ZNF507: variants seen among roughly 807,000 people sequenced by gnomAD.
ZNF507 encodes zinc finger protein 507.
Under a neutral mutation model 80.0 loss-of-function variants are expected in ZNF507, and 29 were observed. The observed-to-expected ratio is 0.36, with a 90% CI of 0.27 to 0.49. ZNF507 has a LOEUF of 0.49. Ranked by LOEUF, ZNF507 falls within the 20% of genes least tolerant of loss-of-function variation. The pLI is 0.98. For synonymous variants in ZNF507, 462 were observed against 422.5 expected, an observed-to-expected ratio of 1.09 and a Z score of -1.15; for missense variants, 1,081 against 1,152.2, an observed-to-expected ratio of 0.94 and a Z score of 0.90.
intron 2 of ZNF507, among the ~76,000 whole-genome samples, chr19:32,350,278 GT>G: frequency 6.6e-6 from 1 of 150,560 alleles, no homozygotes; most frequent in South Asian, 2.1e-4. Context: ...ACCCAAACTG[GT>G]TTTTCAGGTG....
At chr19:32,364,305 T>A (rs1967367492) in intron 5 of ZNF507, among the ~76,000 whole-genome samples, 1 of 152,234 alleles carries the variant, frequency 6.6e-6, no homozygotes, top group South Asian at 2.1e-4. Flanking sequence ...CCAATTATAG[T>A]TATACCTGAC....
intron 5 of ZNF507, chr19:32,380,592 G>C (rs528239794): frequency 2.2e-5 from 34 of 1,535,172 alleles, no homozygotes; most frequent in Non-Finnish European, 3.0e-5. Flanking sequence ...TGCTGACTGT[G>C]TCTCTTATTG....
Position 32,354,195 on chromosome 19 carries a change from C to G in ZNF507, c.1365C>G (p.Ile455Met), listed in dbSNP as rs896023652. ...DKCTVDIGGL[I>M]IGWSSSEKKD... The stretch of plus-strand genomic sequence containing the variant: ...GTACTGTTGATATTGGGGGATTGAT[C>G]ATAGGCTGGAGCAGTTCAGAGAAAA... The change falls in exon 3 of 7, where the codon ATC becomes ATG. Residue 455 changes from isoleucine to methionine, a missense_variant. This residue lies in a region of ZNF507 where 614 missense variants were observed against 583.9 expected (regional missense o/e 1.05). Coordinates refer to ENST00000355898, the MANE Select transcript of ZNF507 (RefSeq NM_001136156.2). The G allele has an allele frequency of 6.2e-6, 10 of 1,613,434 alleles. No homozygotes were observed. Among genetic ancestry groups the G allele is most frequent in the African/African-American group, 1.3e-5 (1 of 74,900 alleles).
At chr19:32,368,857 C>G (rs1302454855) in intron 5 of ZNF507, among the ~76,000 whole-genome samples, 1 of 152,144 alleles carries the variant, frequency 6.6e-6, no homozygotes, top group African/African-American at 2.4e-5. Flanking sequence ...CTATTGAAAT[C>G]GTTGTTTATG....
At position 32,354,464 on chromosome 19, in the gene ZNF507, C is replaced by G. The variant is rs146402867; in HGVS notation, c.1634C>G (p.Ser545Trp). 6.2e-7 allele frequency: 1 copy of G among 1,614,084 alleles called. No individual in the cohort carries two copies. The highest frequency in any genetic ancestry group is 1.1e-5 in the South Asian group (1 of 91,084). ...STLAAYSKMM[S>W]PLKNSSDGLT... ...TTGGCAGCGTACTCAAAAATGATGT[C>G]GCCACTTAAAAACTCTTCAGATGGA... The change falls in exon 3 of 7, where the codon TCG (serine) becomes TGG (tryptophan). Residue 545 changes from serine to tryptophan, a missense_variant. Ser to Trp is a radical substitution (Grantham distance 177). Around this residue, in one of 6 missense-constraint regions of ZNF507, gnomAD observed 614 missense variants for 583.9 expected, o/e 1.05. Transcript: ENST00000355898.
In ZNF507 at chr19:32,353,644, G is replaced by A; in HGVS notation, c.814G>A (p.Gly272Arg). ...MLKTHAWKHA[G>R]EVDCSYPIFE... ...GAAAACACACGCTTGGAAACATGCT[G>A]GGGAGGTTGATTGCTCCTATCCAAT... Residue 272 changes from glycine (G) to arginine (R), a missense_variant, in exon 3 of 7, where the codon GGG becomes AGG. Around this residue, in one of 6 missense-constraint regions of ZNF507, gnomAD observed 614 missense variants for 583.9 expected, o/e 1.05. Coordinates refer to ENST00000355898, the MANE Select transcript of ZNF507 (RefSeq NM_001136156.2). 3 of 1,614,192 alleles carry A rather than the reference G, an allele frequency of 1.9e-6. No individual in the cohort carries two copies. The highest frequency in any genetic ancestry group is 2.5e-6 in the Non-Finnish European group (3 of 1,180,038).
chr19:32,372,359 A>C (rs141160778), intron 5 of ZNF507, among the ~76,000 whole-genome samples: 64 of 152,330 alleles, frequency 4.2e-4, no homozygotes, highest in African/African-American at 1.5e-3. Flanking sequence ...TTAAATAAAG[A>C]GAGAGCGTTT....
At chr19:32,351,481 G>C (rs1284267981) in intron 2 of ZNF507, among the ~76,000 whole-genome samples, 12 of 102,554 alleles carry the variant, frequency 1.2e-4, no homozygotes, top group Non-Finnish European at 2.1e-4. Flanking sequence ...GGCGTGGGGG[G>C]GCGGGGCCTG....
At chr19:32,355,430 T>G (rs1043414540) in intron 3 of ZNF507, among the ~76,000 whole-genome samples, 1 of 152,016 alleles carries the variant, frequency 6.6e-6, no homozygotes, top group African/African-American at 2.4e-5. Flanking sequence ...GAAGGAAAAA[T>G]GGGCTATGGC....
chr19:32,347,859 C>G (rs1165599095), intron 2 of ZNF507, among the ~76,000 whole-genome samples: 1 of 152,164 alleles, frequency 6.6e-6, no homozygotes, highest in Non-Finnish European at 1.5e-5. Flanking sequence ...AGAATATTCT[C>G]TCAGGCTATG....
intron 4 of ZNF507, 46 bp downstream of exon 4, chr19:32,356,779 CA>C (rs1568304461): frequency 7.0e-7 from 1 of 1,432,516 alleles, no homozygotes; most frequent in East Asian, 2.3e-5. Flanking sequence ...TTGCACATGA[CA>C]TAAAAGTGCC....
intron 5 of ZNF507, among the ~76,000 whole-genome samples, chr19:32,368,213 G>T (rs1467222095): frequency 6.6e-6 from 1 of 152,202 alleles, no homozygotes; most frequent in Non-Finnish European, 1.5e-5. Flanking sequence ...GGATTCTGTG[G>T]GTCGGTCAGG....
At position 32,351,509 on chromosome 19, in the gene ZNF507, A is replaced by G. The variant is rs570442032; in HGVS notation, c.-2-1320A>G. On this transcript the variant is annotated intron_variant, in intron 2 of 6. Coordinates refer to ENST00000355898, the MANE Select transcript of ZNF507 (RefSeq NM_001136156.2). ...GGGGCCTGTTTTTGTGTTTGTGTAT[A>G]TGTGTGTGTGTGTGGCGTGGGGGCG... Among the ~76,000 whole-genome samples, 46 of 6,448 alleles carry G rather than the reference A, an allele frequency of 7.1e-3. 1 individual carries two copies. The highest frequency in any genetic ancestry group is 0.012 in the Non-Finnish European group (42 of 3,554). 4.2% of individuals were successfully genotyped at this position (6,448 alleles called of 152,430 possible).
At chr19:32,364,502 C>A (rs113427979) in intron 5 of ZNF507, among the ~76,000 whole-genome samples, 23,458 of 151,994 alleles carry the variant, frequency 0.15, 1,937 homozygotes, top group South Asian at 0.28. Context: ...CTCTTTCCCC[C>A]CAAGTCCCCA....
At chr19:32,346,262 C>T (rs140185370) in intron 1 of ZNF507, among the ~76,000 whole-genome samples, 2 of 152,126 alleles carry the variant, frequency 1.3e-5, no homozygotes, top group Non-Finnish European at 2.9e-5. Flanking sequence ...TTATTACCAT[C>T]CTCTGGAGAT....
chr19:32,374,511 T>G (rs1967520457), intron 5 of ZNF507, among the ~76,000 whole-genome samples: 1 of 150,898 alleles, frequency 6.6e-6, no homozygotes, highest in Admixed American at 6.6e-5. Context: ...TCTTGTGCTG[T>G]CACCCAGGCT....
intron 5 of ZNF507, among the ~76,000 whole-genome samples, chr19:32,379,027 A>G (rs1568310025): frequency 1.3e-5 from 2 of 152,214 alleles, no homozygotes; most frequent in Non-Finnish European, 1.5e-5. Context: ...TTGGCTGGCA[A>G]TGAGCTGGGT....
intron 5 of ZNF507, among the ~76,000 whole-genome samples, chr19:32,380,952 C>T (rs944737025): frequency 6.6e-6 from 1 of 152,070 alleles, no homozygotes. Context: ...AACAACTTTG[C>T]ACATGAATGT....
At chr19:32,380,213 G>A (rs1404068993) in intron 5 of ZNF507, among the ~76,000 whole-genome samples, 4 of 152,218 alleles carry the variant, frequency 2.6e-5, no homozygotes, top group Non-Finnish European at 4.4e-5. Flanking sequence ...TATTTAGGCC[G>A]GGTATGGTAG....
Sources: allele counts gnomAD v4.1 joint callset (sites outside exome capture counted in the v4.1 genomes callset), GRCh38; gene constraint gnomAD v4.1.1; regional missense constraint gnomAD v4.1.1; transcripts MANE v1.5; gene names NCBI Gene and HGNC (gene_info 2026-07-23, HGNC 2026-07-21).